Variants in ERICH1 observed in about 807,000 individuals in gnomAD.
The protein encoded by ERICH1 is glutamate rich 1, also known as glutamate-rich protein 1.
ERICH1 carries 56 observed loss-of-function variants against 39.6 expected under a neutral mutation model. The observed-to-expected ratio is 1.41, with a 90% CI of 1.14 to 1.77. The LOEUF is 1.77. Among genes scored for constraint, ERICH1 ranks in the 40% most tolerant of loss-of-function variants. The probability of loss-of-function intolerance (pLI) is 0.00; values close to 1 mark genes in which losing one functional copy is unlikely to be tolerated. For synonymous variants in ERICH1, 313 were observed against 223.6 expected, an observed-to-expected ratio of 1.40 and a Z score of -3.57; for missense variants, 826 against 575.4, an observed-to-expected ratio of 1.44 and a Z score of -4.45.
At chr8:676,004 C>T (rs757053528) in intron 3 of ERICH1, among the ~76,000 whole-genome samples, 55 of 72 alleles carry the variant, frequency 0.76, 27 homozygotes, top group African/African-American at 1. Context: ...CGGCGCCCCC[C>T]CGGCGAGGAC....
chr8:726,786 T>C (rs940083658), intron 1 of ERICH1, among the ~76,000 whole-genome samples: 3 of 149,714 alleles, frequency 2.0e-5, no homozygotes, highest in Non-Finnish European at 3.0e-5. Context: ...CATACACACA[T>C]ACATGAACAT....
chr8:699,267 T>C (rs1047206465), intron 2 of ERICH1, among the ~76,000 whole-genome samples: 5 of 152,002 alleles, frequency 3.3e-5, no homozygotes. Context: ...CCTGCATGGA[T>C]AACTGGCAAA....
chr8:708,518 A>G (rs1178494116), intron 2 of ERICH1, among the ~76,000 whole-genome samples: 4 of 152,148 alleles, frequency 2.6e-5, no homozygotes, highest in Non-Finnish European at 5.9e-5. Context: ...AACCTTTAAA[A>G]AATTATGCTA....
intron 3 of ERICH1, among the ~76,000 whole-genome samples, chr8:629,363 C>G (rs889078988): frequency 1.3e-5 from 2 of 150,314 alleles, no homozygotes; most frequent in Admixed American, 1.3e-4. Context: ...CCCACACACA[C>G]AGAGCTGACT....
At chr8:635,027 G>C (rs61122136) in intron 3 of ERICH1, among the ~76,000 whole-genome samples, 11,318 of 151,960 alleles carry the variant, frequency 0.074, 478 homozygotes, top group Admixed American at 0.081. Context: ...CGTGGCTTCA[G>C]ACCGCACCTG....
chr8:699,766 G>A (rs1811302730), intron 2 of ERICH1, among the ~76,000 whole-genome samples: 1 of 108,868 alleles, frequency 9.2e-6, no homozygotes, highest in South Asian at 3.2e-4. Context: ...CACTCACACA[G>A]CCGCACAGAC....
rs554296803 is a variant in ERICH1, at chr8:683,424, C to T, written c.304+9054G>A. 2.8e-4 allele frequency among the ~76,000 whole-genome samples: 42 copies of T among 152,322 alleles called. No homozygotes were observed. In the South Asian group the frequency reaches 7.2e-3, roughly 26 times the overall value. On this transcript the variant is annotated intron_variant, in intron 3 of 5. Transcript: ENST00000262109. ...CGGGGAGCACCCCTCCAGGGTCAGC[C>T]GTGAGGGTCAGCAGGTGCCTGAACA...
intron 3 of ERICH1, among the ~76,000 whole-genome samples, chr8:654,626 G>T (rs1163173812): frequency 3.9e-5 from 6 of 152,314 alleles, no homozygotes; most frequent in African/African-American, 1.4e-4. Context: ...GACACACACT[G>T]AAGGGAAAGA....
intron 2 of ERICH1, among the ~76,000 whole-genome samples, chr8:707,345 C>T (rs1306751733): frequency 5.3e-5 from 8 of 151,800 alleles, no homozygotes; most frequent in Admixed American, 1.3e-4. Flanking sequence ...GTAGCTGGGA[C>T]TACAGGTACC....
intron 3 of ERICH1, among the ~76,000 whole-genome samples, chr8:620,310 T>A (rs1050687701): frequency 2.0e-5 from 3 of 152,082 alleles, no homozygotes; most frequent in African/African-American, 2.4e-5. Flanking sequence ...AGACTCTGTC[T>A]CAAAAAATAA....
chr8:651,713 G>A (rs866404895), intron 3 of ERICH1, among the ~76,000 whole-genome samples: 16 of 141,358 alleles, frequency 1.1e-4, no homozygotes, highest in Admixed American at 2.1e-4. Context: ...AGGCTGAGAC[G>A]GAGTGGGAGG....
At chr8:635,030 C>A (rs557895149) in intron 3 of ERICH1, among the ~76,000 whole-genome samples, 1 of 151,948 alleles carries the variant, frequency 6.6e-6, no homozygotes, top group Non-Finnish European at 1.5e-5. Context: ...GGCTTCAGAC[C>A]GCACCTGGGG....
intron 1 of ERICH1, among the ~76,000 whole-genome samples, chr8:721,402 G>A (rs1001397645): frequency 6.6e-6 from 1 of 152,218 alleles, no homozygotes. Context: ...CCCCAGAGAT[G>A]AGAGCATGGA....
At chr8:727,421 G>A (rs991606706) in intron 1 of ERICH1, among the ~76,000 whole-genome samples, 5 of 152,200 alleles carry the variant, frequency 3.3e-5, no homozygotes, top group South Asian at 2.1e-4. Flanking sequence ...ACCAGAAGAT[G>A]ACAGGGAGAT....
At position 673,437 on chromosome 8, in the gene ERICH1, G is replaced by C. The variant is rs878977018; in HGVS notation, c.915C>G (p.Asp305Glu). 1 of 1,612,870 alleles carries C rather than the reference G, an allele frequency of 6.2e-7. No homozygotes were observed. Among genetic ancestry groups the C allele is most frequent in the African/African-American group, 1.3e-5 (1 of 74,542 alleles). The change falls in exon 4 of 6, where the codon GAC becomes GAG. Residue 305 changes from aspartate (D) to glutamate (E), a missense_variant. Coordinates refer to ENST00000262109, the MANE Select transcript of ERICH1 (RefSeq NM_207332.3). ...CCTCTTCCTCCCCAGCCCATGTCGG[G>C]TCTTCCTCGCTGGCGTCCGCACCGT... ...EEDGADASEEDPTWAGEEEGA... is the reference protein window; with the variant it reads ...EEDGADASEEEPTWAGEEEGA...
At chr8:727,789 G>A (rs569176712) in intron 1 of ERICH1, among the ~76,000 whole-genome samples, 2 of 152,278 alleles carry the variant, frequency 1.3e-5, no homozygotes, top group East Asian at 3.9e-4. Flanking sequence ...TCTCCTTGAC[G>A]CGAGCGGCTG....
Position 664,489 on chromosome 8 carries a change from T to G in ERICH1, c.*114A>C. The G allele has an allele frequency of 7.4e-7, 1 of 1,353,244 alleles. No homozygotes were observed. The highest frequency in any genetic ancestry group is 9.5e-7 in the Non-Finnish European group (1 of 1,047,812). 83.8% of individuals were successfully genotyped at this position (1,353,244 alleles called of 1,614,324 possible). A position where few individuals can be genotyped will look rare whatever the true frequency, so the allele number is the denominator to read the frequency against. Reference sequence around the variant, plus strand: ...CACCAGGAACAAACACGTGAATAAATAATATGGCATAAATGTCTTTCAAGT... The same window carrying G: ...CACCAGGAACAAACACGTGAATAAAGAATATGGCATAAATGTCTTTCAAGT... On this transcript the variant is annotated 3_prime_UTR_variant, in exon 6 of 6. Transcript: ENST00000262109.
In ERICH1 at chr8:664,535, G is replaced by C; in HGVS notation, c.*68C>G. 6.4e-7 allele frequency: 1 copy of C among 1,557,576 alleles called. No homozygotes were observed. Among genetic ancestry groups the C allele is most frequent in the East Asian group, 2.3e-5 (1 of 44,236 alleles). On this transcript the variant is annotated 3_prime_UTR_variant, in exon 6 of 6. Transcript: ENST00000262109. ...CAAGTTCCCAGAGAACTAACTCTAA[G>C]CCCATCTCACATTTGTCTTTTAAGT...
intron 3 of ERICH1, among the ~76,000 whole-genome samples, chr8:619,523 A>G (rs1797146873): frequency 6.6e-6 from 1 of 152,244 alleles, no homozygotes; most frequent in Non-Finnish European, 1.5e-5. Flanking sequence ...GAGAGAAAGC[A>G]ATGACATCAG....
Sources: allele counts gnomAD v4.1 joint callset (sites outside exome capture counted in the v4.1 genomes callset), GRCh38; gene constraint gnomAD v4.1.1; transcripts MANE v1.5; gene names NCBI Gene and HGNC (gene_info 2026-07-23, HGNC 2026-07-21).